GIGYF2: variants seen among roughly 807,000 people sequenced by gnomAD.
The protein encoded by GIGYF2 is GRB10 interacting GYF protein 2, also known as GRB10-interacting GYF protein 2.
GIGYF2 carries 25 observed loss-of-function variants against 208.1 expected under a neutral mutation model. The observed-to-expected ratio is 0.12, with a 90% CI of 0.09 to 0.17. GIGYF2 has a LOEUF of 0.17. GIGYF2 is among the 10% of genes least tolerant of loss of function. GIGYF2 has a pLI of 1.00. For synonymous variants in GIGYF2, 534 were observed against 543.8 expected, an observed-to-expected ratio of 0.98 and a Z score of 0.25; for missense variants, 1,302 against 1,579.4, an observed-to-expected ratio of 0.82 and a Z score of 2.98.
Position 232,756,223 on chromosome 2 carries a change from A to G in GIGYF2, c.268A>G (p.Arg90Gly). The change falls in exon 6 of 29, where the codon AGA becomes GGA. Residue 90 changes from arginine (R) to glycine (G), a missense_variant and splice_region_variant. Arg to Gly is a moderately radical substitution (Grantham distance 125). Around this residue, in one of 8 missense-constraint regions of GIGYF2, gnomAD observed 189 missense variants for 257.7 expected, o/e 0.73. Transcript: ENST00000373563. Reference sequence around the variant, plus strand: ...TTTTTTTTTTTTTTTTTTTTGGCAGAGAAACTTTTCCATGTCTGTAAATAG... The same window carrying G: ...TTTTTTTTTTTTTTTTTTTTGGCAGGGAAACTTTTCCATGTCTGTAAATAG... ...ALVPFTEEEQRNFSMSVNSAA... is the reference protein window; with the variant it reads ...ALVPFTEEEQGNFSMSVNSAA... 6 of 1,089,892 alleles carry G rather than the reference A, an allele frequency of 5.5e-6. No homozygotes were observed. Among genetic ancestry groups the G allele is most frequent in the Non-Finnish European group, 7.7e-6 (6 of 779,428 alleles). 67.5% of individuals were successfully genotyped at this position (1,089,892 alleles called of 1,614,324 possible).
At chr2:232,786,690 G>T (rs2106359814) in intron 8 of GIGYF2, among the ~76,000 whole-genome samples, 1 of 152,312 alleles carries the variant, frequency 6.6e-6, no homozygotes, top group African/African-American at 2.4e-5. Flanking sequence ...TAGTAAGGAA[G>T]GATTGGCAAG....
At chr2:232,813,194 T>C (rs1574913702) in intron 18 of GIGYF2, among the ~76,000 whole-genome samples, 1 of 147,774 alleles carries the variant, frequency 6.8e-6, no homozygotes, top group Non-Finnish European at 1.5e-5. Context: ...TTTCTTTTTT[T>C]TTTTTTTTTT....
intron 2 of GIGYF2, among the ~76,000 whole-genome samples, chr2:232,704,856 ATTT>A (rs10689292): frequency 4.9e-5 from 5 of 101,952 alleles, no homozygotes; most frequent in Non-Finnish European, 7.3e-5. Context: ...TAACTTCTGG[ATTT>A]TTTTTTTTTT....
intron 28 of GIGYF2, among the ~76,000 whole-genome samples, chr2:232,856,383 A>T (rs1389880705): frequency 6.6e-6 from 1 of 152,026 alleles, no homozygotes; most frequent in Non-Finnish European, 1.5e-5. Context: ...TAATACTTCT[A>T]TGGTATGCTC....
At chr2:232,787,726 A>C (rs115257267) in intron 9 of GIGYF2, among the ~76,000 whole-genome samples, 1 of 152,228 alleles carries the variant, frequency 6.6e-6, no homozygotes, top group Admixed American at 6.5e-5. Flanking sequence ...TTTCCTAACA[A>C]GAAAGGGTTT....
intron 1 of GIGYF2, chr2:232,698,341 G>T (rs554042426): frequency 7.9e-5 from 12 of 152,190 alleles, no homozygotes; most frequent in Admixed American, 7.2e-4. Flanking sequence ...AAGAAATTGA[G>T]TATGGGGCTA....
intron 8 of GIGYF2, among the ~76,000 whole-genome samples, chr2:232,783,691 T>G (rs1230520827): frequency 1.4e-5 from 1 of 73,862 alleles, no homozygotes; most frequent in Non-Finnish European, 3.2e-5. Context: ...GGTGTTTTTT[T>G]GTTTGTTTGT....
At chr2:232,820,560 C>T (rs575807379) in intron 21 of GIGYF2, among the ~76,000 whole-genome samples, 6 of 152,084 alleles carry the variant, frequency 3.9e-5, no homozygotes, top group African/African-American at 9.6e-5. Flanking sequence ...ATGATCCACC[C>T]GCCTCGGCCT....
chr2:232,856,964 C>A lies in GIGYF2; in HGVS notation c.*104C>A. 1.2e-6 allele frequency: 1 copy of A among 834,164 alleles called. No homozygotes were observed. The highest frequency in any genetic ancestry group is 2.1e-6 in the Non-Finnish European group (1 of 470,110). The allele number at this position is 834,164 out of a possible 1,614,324, so 51.7% of individuals were successfully genotyped here. On this transcript the variant is annotated 3_prime_UTR_variant, in exon 29 of 29. Coordinates refer to ENST00000373563, the MANE Select transcript of GIGYF2 (RefSeq NM_001103146.3). ...CCATTTACTCTTTATCACTCTGCAA[C>A]AAATCACAGAACCGATCATCTCAGG...
intron 14 of GIGYF2, among the ~76,000 whole-genome samples, chr2:232,797,477 C>T (rs547395785): frequency 1.2e-4 from 16 of 133,900 alleles, no homozygotes; most frequent in Admixed American, 8.0e-4. Context: ...GTAAGATACA[C>T]GAGAGCAGGG....
At chr2:232,756,178 T>A in intron 5 of GIGYF2, 45 bp from the exon 6 acceptor site, 1 of 1,205,862 alleles carries the variant, frequency 8.3e-7, no homozygotes, top group Non-Finnish European at 1.2e-6. Flanking sequence ...ATTTTTTTCT[T>A]TCTTTTTTTC....
intron 21 of GIGYF2, among the ~76,000 whole-genome samples, chr2:232,827,208 G>GTTTTTTTTTTTTTTTTTTTTTTT (rs1166323037): frequency 2.0e-5 from 3 of 151,934 alleles, no homozygotes; most frequent in African/African-American, 4.8e-5. Flanking sequence ...TATAGACATT[G>GTTTTTTTTTTTTTTTTTTTTTTT]TTTTTTAAGA....
rs75815316 is a variant in GIGYF2 at position 232,748,728 on chromosome 2, T to C, written c.172-259T>C. ...AGACTTTTATTCCTCTACTTTGTGC[T>C]CTGGTATAGCAGAGTTAGTGCTAAA... is the stretch of plus-strand genomic sequence containing the variant. On this transcript the variant is annotated intron_variant, in intron 4 of 28. Transcript: ENST00000373563. Among the ~76,000 whole-genome samples, 785 of 152,352 alleles carry C rather than the reference T, an allele frequency of 5.2e-3. 4 individuals carry two copies. Among genetic ancestry groups the C allele is most frequent in the African/African-American group, 0.018 (760 of 41,586 alleles).
chr2:232,856,455 C>T (rs937602278), intron 28 of GIGYF2, among the ~76,000 whole-genome samples: 2 of 151,980 alleles, frequency 1.3e-5, no homozygotes, highest in Admixed American at 1.3e-4. Flanking sequence ...TTTGGGAGGC[C>T]GAGGCGGGCG....
chr2:232,758,220 T>C (rs1339093752), intron 6 of GIGYF2, among the ~76,000 whole-genome samples: 4 of 152,212 alleles, frequency 2.6e-5, no homozygotes, highest in Non-Finnish European at 5.9e-5. Flanking sequence ...GAGCTAACAC[T>C]AGATGATTAT....
At chr2:232,820,271 G>A (rs1483479087) in intron 21 of GIGYF2, among the ~76,000 whole-genome samples, 1 of 151,400 alleles carries the variant, frequency 6.6e-6, no homozygotes, top group African/African-American at 2.4e-5. Context: ...TCAAACTAAA[G>A]CGGAATAGTA....
intron 2 of GIGYF2, among the ~76,000 whole-genome samples, chr2:232,713,516 T>C (rs1208885014): frequency 6.6e-6 from 1 of 152,268 alleles, no homozygotes; most frequent in African/African-American, 2.4e-5. Flanking sequence ...ATTGTTATAA[T>C]TAATAAACCA....
At chr2:232,809,190 G>A (rs1700653009) in intron 15 of GIGYF2, among the ~76,000 whole-genome samples, 1 of 152,120 alleles carries the variant, frequency 6.6e-6, no homozygotes, top group South Asian at 2.1e-4. Flanking sequence ...TGATCCGCCT[G>A]CCTTGGACTC....
intron 8 of GIGYF2, among the ~76,000 whole-genome samples, chr2:232,772,602 C>T (rs961665763): frequency 1.3e-5 from 2 of 152,276 alleles, no homozygotes; most frequent in Middle Eastern, 3.4e-3. Context: ...TTGTAATCAT[C>T]CTTGCGTATG....
Sources: gnomAD v4.1 joint callset for allele counts (sites outside exome capture counted in the v4.1 genomes callset) on GRCh38, gnomAD v4.1.1 for gene constraint, gnomAD v4.1.1 regional missense constraint, MANE v1.5 for transcripts, NCBI Gene and HGNC (gene_info 2026-07-23, HGNC 2026-07-21) for gene names.